The following PLGRKT variants were observed in gnomAD, a reference collection of about 807,000 sequenced individuals.
PLGRKT encodes plasminogen receptor (KT).
PLGRKT carries 22 observed loss-of-function variants against 18.5 expected under a neutral mutation model. The observed-to-expected ratio is 1.19, with a 90% confidence interval of 0.85 to 1.70. PLGRKT has a LOEUF of 1.70. Ranked by LOEUF, PLGRKT falls within the 40% of genes most tolerant of loss-of-function variation. The pLI is 0.00. For synonymous variants in PLGRKT, 72 were observed against 52.8 expected, an observed-to-expected ratio of 1.36 and a Z score of -1.58; for missense variants, 235 against 174.4, an observed-to-expected ratio of 1.35 and a Z score of -1.96.
At chr9:5,427,816 T>G (rs925483254) in intron 3 of PLGRKT, among the ~76,000 whole-genome samples, 1 of 152,230 alleles carries the variant, frequency 6.6e-6, no homozygotes, top group Admixed American at 6.5e-5. Flanking sequence ...ACAAGGGCCC[T>G]GGTTGGCTGG....
At position 5,393,898 on chromosome 9, in the gene PLGRKT, A is replaced by G. The variant is rs574195835; in HGVS notation, c.82-32010T>C. Among the ~76,000 whole-genome samples the G allele has an allele frequency of 5.3e-5, 8 of 152,084 alleles. No homozygotes were observed. In the East Asian group the frequency reaches 1.5e-3, roughly 29 times the overall value. On this transcript the variant is annotated intron_variant, in intron 3 of 5. Transcript: ENST00000223864. ...AGAAAAAGGCCTATCAAATACAAAT[A>G]TATGCCCTCATGGAAATGAACACTA...
At chr9:5,364,872 T>C (rs1817349353) in intron 3 of PLGRKT, among the ~76,000 whole-genome samples, 1 of 152,202 alleles carries the variant, frequency 6.6e-6, no homozygotes, top group Non-Finnish European at 1.5e-5. Context: ...ATGAACCATG[T>C]GGTACTGGAT....
At chr9:5,434,180 C>T (rs1471318462) in intron 2 of PLGRKT, among the ~76,000 whole-genome samples, 8 of 150,604 alleles carry the variant, frequency 5.3e-5, no homozygotes, top group Admixed American at 4.6e-4. Flanking sequence ...CTCTGCCCGG[C>T]CGCCACCCCG....
At chr9:5,381,391 A>G (rs1325381423) in intron 3 of PLGRKT, among the ~76,000 whole-genome samples, 1 of 152,220 alleles carries the variant, frequency 6.6e-6, no homozygotes, top group African/African-American at 2.4e-5. Flanking sequence ...AAAAAGGGCC[A>G]AGGTACAGCT....
chr9:5,376,777 C>T (rs994909243), intron 3 of PLGRKT, among the ~76,000 whole-genome samples: 5 of 152,126 alleles, frequency 3.3e-5, no homozygotes, highest in African/African-American at 1.2e-4. Flanking sequence ...TATACATACA[C>T]ACATACATAC....
At chr9:5,427,922 G>A (rs953143535) in intron 3 of PLGRKT, among the ~76,000 whole-genome samples, 2 of 152,174 alleles carry the variant, frequency 1.3e-5, no homozygotes, top group Admixed American at 1.3e-4. Flanking sequence ...GTTCCTCACT[G>A]TCCTATGTGT....
chr9:5,366,811 C>T (rs1170984356), intron 3 of PLGRKT, among the ~76,000 whole-genome samples: 1 of 152,062 alleles, frequency 6.6e-6, no homozygotes, highest in African/African-American at 2.4e-5. Flanking sequence ...CAAATAATCC[C>T]TCCTCACTGA....
intron 3 of PLGRKT, among the ~76,000 whole-genome samples, chr9:5,383,860 G>T (rs577435044): frequency 4.2e-4 from 64 of 152,232 alleles, no homozygotes; most frequent in Non-Finnish European, 7.8e-4. Flanking sequence ...TGGCCCAGGG[G>T]TTGGGGATCC....
chr9:5,386,025 T>G (rs1248433272), intron 3 of PLGRKT, among the ~76,000 whole-genome samples: 1 of 151,832 alleles, frequency 6.6e-6, no homozygotes, highest in Non-Finnish European at 1.5e-5. Flanking sequence ...CTGCCATATC[T>G]AGTATCTCCT....
intron 3 of PLGRKT, among the ~76,000 whole-genome samples, chr9:5,425,899 A>T (rs1818688500): frequency 6.6e-6 from 1 of 152,244 alleles, no homozygotes; most frequent in Non-Finnish European, 1.5e-5. Flanking sequence ...TTTATTTATT[A>T]GGCTTTACTC....
chr9:5,412,094 G>C (rs887707848), intron 3 of PLGRKT, among the ~76,000 whole-genome samples: 2 of 152,108 alleles, frequency 1.3e-5, no homozygotes, highest in Non-Finnish European at 2.9e-5. Flanking sequence ...TACAATACTA[G>C]TACATGACTA....
intron 3 of PLGRKT, among the ~76,000 whole-genome samples, chr9:5,425,917 C>T (rs960720641): frequency 5.3e-5 from 8 of 152,286 alleles, no homozygotes; most frequent in African/African-American, 1.4e-4. Context: ...CTCTAATAAA[C>T]GTTTTGCTTT....
At chr9:5,428,203 G>A (rs1392548459) in intron 3 of PLGRKT, among the ~76,000 whole-genome samples, 1 of 152,172 alleles carries the variant, frequency 6.6e-6, no homozygotes, top group Admixed American at 6.5e-5. Flanking sequence ...TGAGCCCAGT[G>A]GCAGAGGTCA....
chr9:5,397,493 G>C (rs1459490868), intron 3 of PLGRKT, among the ~76,000 whole-genome samples: 1 of 151,566 alleles, frequency 6.6e-6, no homozygotes, highest in Non-Finnish European at 1.5e-5. Context: ...CCTTAGATAG[G>C]TGTTCATCAA....
At chr9:5,414,232 T>A (rs1407113309) in intron 3 of PLGRKT, among the ~76,000 whole-genome samples, 1 of 152,154 alleles carries the variant, frequency 6.6e-6, no homozygotes, top group African/African-American at 2.4e-5. Flanking sequence ...AATGGTGCAA[T>A]CTCGCCTCAC....
intron 3 of PLGRKT, among the ~76,000 whole-genome samples, chr9:5,389,731 GA>G (rs1817912170): frequency 6.6e-6 from 1 of 151,890 alleles, no homozygotes; most frequent in African/African-American, 2.4e-5. Flanking sequence ...AAGAAAACAG[GA>G]AGAGATAGGA....
Position 5,387,670 on chromosome 9 carries a change from G to C in PLGRKT, c.82-25782C>G, listed in dbSNP as rs111835069. ...AGAGAGGCGGGAGGAAGCCTCCTGC[G>C]GGGGGGCTGGGAATGATCTATCTTT... On this transcript the variant is annotated intron_variant, in intron 3 of 5. Coordinates refer to ENST00000223864, the MANE Select transcript of PLGRKT (RefSeq NM_018465.4). Among the ~76,000 whole-genome samples the C allele has an allele frequency of 1.9e-4, 12 of 63,380 alleles. 1 individual carries two copies. Among genetic ancestry groups the C allele is most frequent in the South Asian group, 6.8e-4 (1 of 1,466 alleles). 41.6% of individuals were successfully genotyped at this position (63,380 alleles called of 152,430 possible).
At chr9:5,422,188 G>A (rs1037576872) in intron 3 of PLGRKT, among the ~76,000 whole-genome samples, 4 of 152,152 alleles carry the variant, frequency 2.6e-5, no homozygotes, top group African/African-American at 7.2e-5. Context: ...ATCATGAGTG[G>A]ATGGTAAGGC....
At chr9:5,410,488 G>A in intron 3 of PLGRKT, among the ~76,000 whole-genome samples, 1 of 131,042 alleles carries the variant, frequency 7.6e-6, no homozygotes. Flanking sequence ...AACAGAGCAA[G>A]ACTCTGTCTC....
Sources: gnomAD v4.1 joint callset for allele counts (sites outside exome capture counted in the v4.1 genomes callset) on GRCh38, gnomAD v4.1.1 for gene constraint, MANE v1.5 for transcripts, NCBI Gene and HGNC (gene_info 2026-07-23, HGNC 2026-07-21) for gene names.